MSRA: variants seen among roughly 807,000 people sequenced by gnomAD.
The protein encoded by MSRA is mitochondrial peptide methionine sulfoxide reductase.
In MSRA, 54 loss-of-function variants were observed where a neutral mutation model predicts 31.3. That is an observed-to-expected ratio of 1.73 (90% CI 1.39 to 2.17). MSRA has a LOEUF of 2.17. Among genes scored for constraint, MSRA ranks in the 30% most tolerant of loss-of-function variants. The probability of loss-of-function intolerance (pLI) is 0.00; values close to 1 mark genes in which losing one functional copy is unlikely to be tolerated. For missense variants in MSRA, 507 were observed against 300.9 expected (o/e 1.69, Z -5.07); for synonymous variants, 169 against 116.5 (o/e 1.45, Z -2.90).
At chr8:10,236,712 T>A (rs752905596) in intron 2 of MSRA, among the ~76,000 whole-genome samples, 32 of 152,146 alleles carry the variant, frequency 2.1e-4, no homozygotes, top group African/African-American at 4.1e-4. Flanking sequence ...ACCTGGCTAA[T>A]TTTTGTATTT....
intron 5 of MSRA, among the ~76,000 whole-genome samples, chr8:10,345,821 C>T (rs1029369757): frequency 6.6e-6 from 1 of 152,162 alleles, no homozygotes. Flanking sequence ...ACTAAAAGGT[C>T]AAATCTACCT....
chr8:10,395,801 T>C (rs1240904155), intron 5 of MSRA, among the ~76,000 whole-genome samples: 1 of 152,178 alleles, frequency 6.6e-6, no homozygotes, highest in East Asian at 1.9e-4. Context: ...AAGCTACAGA[T>C]GTCCCATCTT....
chr8:10,391,616 T>C (rs1806753059), intron 5 of MSRA, among the ~76,000 whole-genome samples: 1 of 152,272 alleles, frequency 6.6e-6, no homozygotes, highest in Non-Finnish European at 1.5e-5. Context: ...ATGAGGATAC[T>C]GGGTGAGTTC....
chr8:10,220,696 A>G (rs752889758), intron 2 of MSRA, among the ~76,000 whole-genome samples: 7 of 152,178 alleles, frequency 4.6e-5, no homozygotes, highest in Non-Finnish European at 1.0e-4. Flanking sequence ...GCCTGCGTCC[A>G]TCTTTCTTCC....
intron 2 of MSRA, 34 bp downstream of exon 2, chr8:10,207,935 G>T: frequency 6.3e-7 from 1 of 1,574,984 alleles, no homozygotes; most frequent in Non-Finnish European, 8.7e-7. Context: ...AACCCAAATT[G>T]TGTGCAAAGA....
intron 1 of MSRA, among the ~76,000 whole-genome samples, chr8:10,191,044 A>T (rs1163995977): frequency 6.6e-6 from 1 of 152,204 alleles, no homozygotes; most frequent in African/African-American, 2.4e-5. Context: ...CTATAAGCAT[A>T]GCGTCCCATT....
chr8:10,253,860 C>G (rs1054078830), intron 3 of MSRA, among the ~76,000 whole-genome samples: 7 of 150,378 alleles, frequency 4.7e-5, no homozygotes, highest in Admixed American at 2.0e-4. Flanking sequence ...TTTTTTTTTT[C>G]TAAGTTACAT....
At chr8:10,250,714 T>A (rs549258220) in intron 3 of MSRA, 4 of 516,910 alleles carry the variant, frequency 7.7e-6, no homozygotes, top group Admixed American at 6.7e-5. Flanking sequence ...GAACTGACTG[T>A]ATGGTCTGCA....
chr8:10,233,479 A>T (rs1055194893), intron 2 of MSRA, among the ~76,000 whole-genome samples: 1 of 152,272 alleles, frequency 6.6e-6, no homozygotes, highest in Non-Finnish European at 1.5e-5. Flanking sequence ...AAGAAATAAT[A>T]AACTATGACA....
chr8:10,328,342 CTTTCCCTCGCCT>C lies in MSRA; in HGVS notation c.543+8362_543+8373del, dbSNP rs547117190. 4.2e-4 allele frequency among the ~76,000 whole-genome samples: 63 copies of C among 150,528 alleles called. 1 individual carries two copies. In the South Asian group the frequency reaches 0.013, roughly 31 times the overall value. ...CTCAGAAGTCATCCCTGCCTCATGCCTTTCCCTCGCCTTTTCCCTCCAATGAATCAGATTAAC... is the reference window on the plus strand; with the variant it reads ...CTCAGAAGTCATCCCTGCCTCATGCCTTTCCCTCCAATGAATCAGATTAAC... On this transcript the variant is annotated intron_variant, in intron 5 of 5. Transcript: ENST00000317173.
At chr8:10,404,863 C>G (rs1962392) in intron 5 of MSRA, among the ~76,000 whole-genome samples, 40,268 of 152,076 alleles carry the variant, frequency 0.26, 5,577 homozygotes, top group South Asian at 0.38. Flanking sequence ...GCACGGCATC[C>G]TCCCCAGTCT....
intron 3 of MSRA, among the ~76,000 whole-genome samples, chr8:10,261,029 A>G (rs1293252144): frequency 6.6e-6 from 1 of 152,250 alleles, no homozygotes; most frequent in Non-Finnish European, 1.5e-5. Flanking sequence ...AGAATGAAGT[A>G]TAAAATACAA....
chr8:10,168,343 T>C (rs1345291940), intron 1 of MSRA, among the ~76,000 whole-genome samples: 1 of 152,194 alleles, frequency 6.6e-6, no homozygotes, highest in East Asian at 1.9e-4. Flanking sequence ...GACTGTATTA[T>C]CCTGGTCTTC....
At chr8:10,408,459 T>C (rs1028078593) in intron 5 of MSRA, among the ~76,000 whole-genome samples, 2 of 152,094 alleles carry the variant, frequency 1.3e-5, no homozygotes, top group Non-Finnish European at 2.9e-5. Context: ...GAGGGATCGC[T>C]GGAACCCAGA....
rs151050073 is a variant in MSRA at position 10,423,359 on chromosome 8, C to T, written c.544-4789C>T. On this transcript the variant is annotated intron_variant, in intron 5 of 5. Transcript: ENST00000317173. ...GGTGTGTCAGCCATGATCAGTAACA[C>T]GCTACCTAGGAACCCCTGCCCCATC... Among the ~76,000 whole-genome samples the T allele has an allele frequency of 2.6e-3, 394 of 152,296 alleles. 2 individuals carry two copies. The highest frequency in any genetic ancestry group is 0.01 in the Middle Eastern group (3 of 294).
chr8:10,192,775 T>C (rs1295074664), intron 1 of MSRA, among the ~76,000 whole-genome samples: 1 of 152,242 alleles, frequency 6.6e-6, no homozygotes, highest in Non-Finnish European at 1.5e-5. Context: ...TAAATGGTGC[T>C]CAGGGTCCTT....
At chr8:10,408,311 C>T (rs527788240) in intron 5 of MSRA, among the ~76,000 whole-genome samples, 3 of 152,258 alleles carry the variant, frequency 2.0e-5, no homozygotes, top group African/African-American at 4.8e-5. Flanking sequence ...CTGAGACGGG[C>T]AGATCACTTC....
chr8:10,157,814 C>G (rs1448573391), intron 1 of MSRA, among the ~76,000 whole-genome samples: 2 of 152,188 alleles, frequency 1.3e-5, no homozygotes, highest in Middle Eastern at 3.4e-3. Context: ...CCCTGTCTCT[C>G]TCTTCCCTTC....
At chr8:10,295,270 C>T (rs1209076692) in intron 3 of MSRA, among the ~76,000 whole-genome samples, 1 of 152,088 alleles carries the variant, frequency 6.6e-6, no homozygotes, top group East Asian at 1.9e-4. Flanking sequence ...CTTCAAGGCT[C>T]AAGCAGTGGA....
Sources: allele counts gnomAD v4.1 joint callset (sites outside exome capture counted in the v4.1 genomes callset), GRCh38; gene constraint gnomAD v4.1.1; transcripts MANE v1.5; gene names NCBI Gene and HGNC (gene_info 2026-07-23, HGNC 2026-07-21).